The following C10orf143 variants were observed in gnomAD, a reference collection of about 807,000 sequenced individuals.
C10orf143 encodes the protein chromosome 10 open reading frame 143.
intron 3 of C10orf143, among the ~76,000 whole-genome samples, chr10:130,071,110 G>A (rs147217625): frequency 0.15 from 23,338 of 152,048 alleles, 2,396 homozygotes; most frequent in Non-Finnish European, 0.22. Flanking sequence ...GTAGAGATGA[G>A]GTTTCACCAT....
intron 3 of C10orf143, among the ~76,000 whole-genome samples, chr10:130,071,778 C>A (rs1342523303): frequency 6.6e-6 from 1 of 152,164 alleles, no homozygotes. Context: ...CAGGCATGCA[C>A]CATGCCTGGC....
chr10:130,076,624 T>C (rs1198495417), intron 3 of C10orf143, among the ~76,000 whole-genome samples: 3 of 152,178 alleles, frequency 2.0e-5, no homozygotes, highest in Admixed American at 6.5e-5. Context: ...TTTCTACAGT[T>C]CTCTGCCTTA....
intron 3 of C10orf143, among the ~76,000 whole-genome samples, chr10:130,036,492 G>A (rs1464965093): frequency 1.3e-5 from 2 of 152,174 alleles, no homozygotes; most frequent in East Asian, 3.9e-4. Flanking sequence ...TGACCCAGAA[G>A]CAGGCAGCTC....
intron 3 of C10orf143, among the ~76,000 whole-genome samples, chr10:130,070,913 T>C (rs1210438144): frequency 6.6e-6 from 1 of 151,832 alleles, no homozygotes; most frequent in African/African-American, 2.4e-5. Flanking sequence ...CAACAACAAA[T>C]ATTTTGTTTT....
intron 3 of C10orf143, among the ~76,000 whole-genome samples, chr10:130,072,340 C>A (rs1308637896): frequency 1.0e-5 from 1 of 99,656 alleles, no homozygotes; most frequent in East Asian, 2.7e-4. Flanking sequence ...ATCTTTTCAA[C>A]TATTCTACTC....
chr10:130,060,697 A>G (rs991089610), downstream of C10orf143, among the ~76,000 whole-genome samples: 3 of 151,696 alleles, frequency 2.0e-5, no homozygotes, highest in Non-Finnish European at 2.9e-5. Flanking sequence ...GGTAGCGGGC[A>G]CCTGCAGTCC....
rs548737148 is a variant in C10orf143, at chr10:130,046,762, G to A, written c.298-10792C>T. On this transcript the variant is annotated intron_variant and NMD_transcript_variant, in intron 3 of 5. Transcript: ENST00000643056. The stretch of plus-strand genomic sequence containing the variant: ...CTGAGGCCACCAGCTCGCCCACGCC[G>A]CCCGCTCACCTGCACGCGGAGGTTC... Among the ~76,000 whole-genome samples the A allele has an allele frequency of 2.7e-4, 41 of 152,292 alleles. 1 individual carries two copies. The South Asian group carries it at 7.9e-3, about 29-fold the overall frequency.
rs201653727 is a variant in C10orf143, at chr10:130,071,635, T to TA, written c.298-7253_298-7252insT. On this transcript the variant is annotated intron_variant, in intron 3 of 3. Coordinates refer to ENST00000637128, the MANE Select transcript of C10orf143 (RefSeq NM_001355042.2). ...TTAATATATACAGTTATATTCTATA[T>TA]TTTTTTTTTGAGACACAGTTTCACT... Among the ~76,000 whole-genome samples, 738 of 119,970 alleles carry TA rather than the reference T, an allele frequency of 6.2e-3. 4 individuals carry two copies. Among genetic ancestry groups the TA allele is most frequent in the Admixed American group, 9.9e-3 (129 of 13,042 alleles). The allele number at this position is 119,970 out of a possible 152,430, so 78.7% of individuals were successfully genotyped here. A position where few individuals can be genotyped will look rare whatever the true frequency, so the allele number is the denominator to read the frequency against.
downstream of C10orf143, among the ~76,000 whole-genome samples, chr10:130,061,531 T>G (rs1187943526): frequency 6.6e-6 from 1 of 152,218 alleles, no homozygotes; most frequent in African/African-American, 2.4e-5. Flanking sequence ...TTTGACATTT[T>G]TAGCCCCTAT....
intron 1 of C10orf143, among the ~76,000 whole-genome samples, chr10:130,081,680 T>G (rs1157330112): frequency 2.1e-5 from 3 of 143,678 alleles, no homozygotes; most frequent in African/African-American, 7.8e-5. Flanking sequence ...CACTTCCACC[T>G]GGAAATTTAA....
intron 3 of C10orf143, among the ~76,000 whole-genome samples, chr10:130,070,671 T>C (rs1315322457): frequency 6.6e-6 from 1 of 152,236 alleles, no homozygotes; most frequent in African/African-American, 2.4e-5. Flanking sequence ...ACCACTCTCA[T>C]AAATGTTTTT....
chr10:130,101,574 A>G (rs1222085514), intron 1 of C10orf143, among the ~76,000 whole-genome samples: 1 of 152,096 alleles, frequency 6.6e-6, no homozygotes, highest in Non-Finnish European at 1.5e-5. Context: ...GGATAAAATT[A>G]AGATTTTTTT....
chr10:130,108,947 A>C (rs1005590040), intron 1 of C10orf143, among the ~76,000 whole-genome samples: 19 of 152,168 alleles, frequency 1.2e-4, no homozygotes, highest in East Asian at 9.6e-4. Flanking sequence ...GGAGCTCTTC[A>C]TTGCCTCCAC....
intron 3 of C10orf143, among the ~76,000 whole-genome samples, chr10:130,048,107 C>G (rs937370229): frequency 6.6e-6 from 1 of 152,230 alleles, no homozygotes; most frequent in Admixed American, 6.5e-5. Flanking sequence ...TCTTGGTGCC[C>G]TGGAGCCCAG....
intron 3 of C10orf143, among the ~76,000 whole-genome samples, chr10:130,076,960 C>T (rs1861128483): frequency 6.6e-6 from 1 of 152,052 alleles, no homozygotes. Flanking sequence ...GAGCGGACGC[C>T]CTGATGCTGC....
At chr10:130,107,415 A>G (rs779588102) in intron 1 of C10orf143, 242 of 1,207,312 alleles carry the variant, frequency 2.0e-4, no homozygotes, top group Non-Finnish European at 2.5e-4. Context: ...CATGAGAAAA[A>G]GGCACATCAT....
chr10:130,076,797 C>T (rs546323672), intron 3 of C10orf143, among the ~76,000 whole-genome samples: 6 of 152,236 alleles, frequency 3.9e-5, no homozygotes, highest in East Asian at 3.9e-4. Flanking sequence ...CCGCGCGATC[C>T]GGGAATGGAA....
chr10:130,082,164 T>A (rs1420603591), intron 1 of C10orf143, among the ~76,000 whole-genome samples: 1 of 151,960 alleles, frequency 6.6e-6, no homozygotes, highest in Non-Finnish European at 1.5e-5. Flanking sequence ...GGACTTTTTA[T>A]ACATACATAT....
intron 1 of C10orf143, chr10:130,108,360 C>T (rs1418925915): frequency 1.6e-6 from 2 of 1,264,844 alleles, no homozygotes; most frequent in East Asian, 2.3e-5. Context: ...CCCCGACCCC[C>T]ACATTCTGAA....
Sources: allele counts gnomAD v4.1 joint callset (sites outside exome capture counted in the v4.1 genomes callset), GRCh38; gene constraint gnomAD v4.1.1; transcripts MANE v1.5; gene names NCBI Gene and HGNC (gene_info 2026-07-23, HGNC 2026-07-21).